Variants in MBP observed in about 807,000 individuals in gnomAD.
MBP encodes the protein myelin basic protein.
In MBP, 16 loss-of-function variants were observed where a neutral mutation model predicts 35.8. That is an observed-to-expected ratio of 0.45 (90% confidence interval 0.30 to 0.68). MBP has a LOEUF of 0.68. Among genes scored for constraint, MBP ranks in the 30% least tolerant of loss-of-function variants. MBP has a pLI of 0.08. For synonymous variants in MBP, 143 were observed against 159.6 expected, an observed-to-expected ratio of 0.90 and a Z score of 0.78; for missense variants, 380 against 404.7, an observed-to-expected ratio of 0.94 and a Z score of 0.52.
At chr18:76,997,738 A>G (rs1246872) in intron 4 of MBP, among the ~76,000 whole-genome samples, 88,039 of 150,044 alleles carry the variant, frequency 0.59, 26,671 homozygotes, top group African/African-American at 0.74. Flanking sequence ...GCTGGAGTGC[A>G]GTGGCGCGAC....
chr18:76,990,365 T>A (rs1404451793), intron 4 of MBP, among the ~76,000 whole-genome samples: 1 of 151,580 alleles, frequency 6.6e-6, no homozygotes, highest in African/African-American at 2.4e-5. Flanking sequence ...CATTGCTCGG[T>A]GGGTGGAAAA....
chr18:76,993,562 A>C (rs920354645), intron 4 of MBP, among the ~76,000 whole-genome samples: 1 of 151,068 alleles, frequency 6.6e-6, no homozygotes, highest in African/African-American at 2.5e-5. Context: ...AAAAAAAAAA[A>C]AAAAAACAAA....
chr18:77,087,809 G>A (rs1975317841), intron 2 of MBP, among the ~76,000 whole-genome samples: 1 of 151,998 alleles, frequency 6.6e-6, no homozygotes, highest in Non-Finnish European at 1.5e-5. Context: ...ACAGGTCCCG[G>A]GGCAGCTGGG....
chr18:77,121,706 C>T (rs987297056), intron 1 of MBP, among the ~76,000 whole-genome samples: 2 of 152,212 alleles, frequency 1.3e-5, no homozygotes, highest in African/African-American at 4.8e-5. Context: ...TGTCCACAGA[C>T]GTGCTATGCC....
At chr18:77,129,394 C>A (rs57038555) in intron 1 of MBP, among the ~76,000 whole-genome samples, 1 of 152,042 alleles carries the variant, frequency 6.6e-6, no homozygotes, top group South Asian at 2.1e-4. Context: ...TTCAGTCGGC[C>A]GGGGAGATCA....
chr18:77,124,359 A>G (rs187030217), intron 1 of MBP, among the ~76,000 whole-genome samples: 115 of 152,334 alleles, frequency 7.5e-4, no homozygotes, highest in African/African-American at 2.7e-3. Context: ...GGAGCTGAAT[A>G]TTAATCCCTT....
chr18:77,039,814 A>T (rs1366249234), intron 3 of MBP, among the ~76,000 whole-genome samples: 1 of 152,216 alleles, frequency 6.6e-6, no homozygotes, highest in Non-Finnish European at 1.5e-5. Context: ...CTAGAGGAAA[A>T]TGGGGAACAG....
chr18:77,039,097 T>C (rs1466535686), intron 3 of MBP, among the ~76,000 whole-genome samples: 1 of 152,234 alleles, frequency 6.6e-6, no homozygotes, highest in East Asian at 1.9e-4. Context: ...AAGGGTTCAC[T>C]GAAACACAGT....
intron 2 of MBP, among the ~76,000 whole-genome samples, chr18:77,079,751 A>G (rs1974816614): frequency 6.6e-6 from 1 of 152,136 alleles, no homozygotes; most frequent in Non-Finnish European, 1.5e-5. Flanking sequence ...CGCTTTCTCT[A>G]GTTCTCTTTT....
intron 2 of MBP, among the ~76,000 whole-genome samples, chr18:77,072,154 C>T (rs542243934): frequency 5.9e-5 from 9 of 152,282 alleles, no homozygotes; most frequent in African/African-American, 1.2e-4. Flanking sequence ...CACACCCCTC[C>T]GCCTCCCCTC....
intron 2 of MBP, chr18:77,069,105 C>T (rs184854148): frequency 2.2e-5 from 10 of 456,062 alleles, no homozygotes; most frequent in Non-Finnish European, 3.1e-5. Context: ...CCCTGTGATG[C>T]GGTGAATACT....
intron 2 of MBP, chr18:77,067,768 C>G: frequency 2.0e-6 from 1 of 491,754 alleles, no homozygotes; most frequent in South Asian, 1.5e-5. Context: ...CTCTCATTTC[C>G]TGGGAGCCTT....
intron 1 of MBP, chr18:77,109,259 AG>A (rs1976373679): frequency 6.6e-6 from 1 of 152,248 alleles, no homozygotes; most frequent in Non-Finnish European, 1.5e-5. Context: ...GGTCAAGGGA[AG>A]AAAAAAGGCT....
intron 2 of MBP, among the ~76,000 whole-genome samples, chr18:77,071,414 C>A (rs1399870035): frequency 6.6e-6 from 1 of 151,496 alleles, no homozygotes; most frequent in African/African-American, 2.4e-5. Flanking sequence ...CTAAGCTTGT[C>A]CAGCCCATCT....
chr18:77,089,663 G>A (rs1482323540), intron 2 of MBP, among the ~76,000 whole-genome samples: 1 of 152,216 alleles, frequency 6.6e-6, no homozygotes, highest in Non-Finnish European at 1.5e-5. Flanking sequence ...GTTCGTGGGA[G>A]TAGCCGCTCT....
At chr18:77,054,326 C>G (rs905916471) in intron 3 of MBP, among the ~76,000 whole-genome samples, 1 of 152,206 alleles carries the variant, frequency 6.6e-6, no homozygotes, top group Non-Finnish European at 1.5e-5. Flanking sequence ...GGACATGGAG[C>G]GAAGAGCTCA....
chr18:77,089,003 G>A (rs189451245), intron 2 of MBP, among the ~76,000 whole-genome samples: 11 of 152,360 alleles, frequency 7.2e-5, no homozygotes, highest in Non-Finnish European at 1.6e-4. Flanking sequence ...TTGTCACAGG[G>A]CCTGGCGCAG....
rs145296663 is a variant in MBP at position 76,986,468 on chromosome 18, A to G, written c.751-1574T>C. 5 of 985,396 alleles carry G rather than the reference A, an allele frequency of 5.1e-6. No homozygotes were observed. In the African/African-American group the frequency reaches 7.0e-5, roughly 14 times the overall value. 61.0% of individuals were successfully genotyped at this position (985,396 alleles called of 1,614,324 possible). ...CAGCCTCTGCTGGGGGCTTCCCACC[A>G]TACAAGCTACTTGCACAGTTTTCTT... On this transcript the variant is annotated intron_variant, in intron 7 of 8. Transcript: ENST00000355994.
chr18:77,014,999 C>G, intron 4 of MBP: 1 of 984,760 alleles, frequency 1.0e-6, no homozygotes, highest in Non-Finnish European at 1.2e-6. Context: ...CCCTGTTTTG[C>G]AAAGAGATGG....
Sources: gnomAD v4.1 joint callset for allele counts (sites outside exome capture counted in the v4.1 genomes callset) on GRCh38, gnomAD v4.1.1 for gene constraint, MANE v1.5 for transcripts, NCBI Gene and HGNC (gene_info 2026-07-23, HGNC 2026-07-21) for gene names.